Variants in SYCE2 observed in about 807,000 individuals in gnomAD.
SYCE2 encodes central element synaptonemal complex 1.
A neutral mutation model predicts 27.9 loss-of-function variants in SYCE2; 3 were observed. The ratio of observed to expected loss-of-function variants is 0.11; its 90% confidence interval spans 0.05 to 0.28. The LOEUF (loss-of-function observed/expected upper bound fraction) is 0.28. SYCE2 is among the 10% of genes least tolerant of loss of function. SYCE2 has a pLI of 1.00. For missense variants in SYCE2, 207 were observed against 263.5 expected, an observed-to-expected ratio of 0.79 and a Z score of 1.48; for synonymous variants, 85 against 100.7, an observed-to-expected ratio of 0.84 and a Z score of 0.93.
chr19:12,904,394 C>T, intron 3 of SYCE2, 98 bp downstream of exon 3: 1 of 1,453,714 alleles, frequency 6.9e-7, no homozygotes, highest in South Asian at 1.2e-5. Context: ...GTGTGAATGG[C>T]CTAGCACCGT....
chr19:12,899,966 C>G (rs757639544), intron 5 of SYCE2, 38 bp downstream of exon 5: 1 of 1,608,882 alleles, frequency 6.2e-7, no homozygotes, highest in East Asian at 2.2e-5. Context: ...ACCTGCACAT[C>G]TGACCCCAAG....
At chr19:12,918,692 G>C (rs1005510327) in intron 1 of SYCE2, among the ~76,000 whole-genome samples, 1 of 152,120 alleles carries the variant, frequency 6.6e-6, no homozygotes, top group Non-Finnish European at 1.5e-5. Context: ...GGTGGCTCAC[G>C]CCTGTAATCC....
At chr19:12,901,169 A>AAAT (rs1555752652) in intron 3 of SYCE2, among the ~76,000 whole-genome samples, 5 of 140,752 alleles carry the variant, frequency 3.6e-5, no homozygotes, top group Non-Finnish European at 7.7e-5. Flanking sequence ...ACTCCATCTC[A>AAAT]AAATAAATAA....
At chr19:12,907,110 CT>C (rs1568435627) in intron 2 of SYCE2, among the ~76,000 whole-genome samples, 1 of 152,146 alleles carries the variant, frequency 6.6e-6, no homozygotes, top group Non-Finnish European at 1.5e-5. Context: ...AGAGCTGCCC[CT>C]GTGAGTCACA....
At chr19:12,905,155 C>T (rs1271907861) in intron 2 of SYCE2, among the ~76,000 whole-genome samples, 1 of 151,972 alleles carries the variant, frequency 6.6e-6, no homozygotes, top group African/African-American at 2.4e-5. Flanking sequence ...ACACACACGC[C>T]CTGAATGATG....
At chr19:12,902,164 C>T (rs148141899) in intron 3 of SYCE2, among the ~76,000 whole-genome samples, 1 of 152,216 alleles carries the variant, frequency 6.6e-6, no homozygotes, top group East Asian at 1.9e-4. Context: ...GGCTCTTCCA[C>T]GTAGCCTAGG....
chr19:12,911,615 CTTT>C (rs71168633), intron 2 of SYCE2, among the ~76,000 whole-genome samples: 2 of 103,744 alleles, frequency 1.9e-5, no homozygotes, highest in African/African-American at 3.7e-5. Context: ...TAATTTTTGC[CTTT>C]TTTTTTTTTT....
chr19:12,906,977 A>G (rs1311157609), intron 2 of SYCE2, among the ~76,000 whole-genome samples: 1 of 152,206 alleles, frequency 6.6e-6, no homozygotes, highest in African/African-American at 2.4e-5. Flanking sequence ...AAGTTTATGG[A>G]AAAAATGTGA....
chr19:12,905,377 G>C (rs1970916200), intron 2 of SYCE2, among the ~76,000 whole-genome samples: 1 of 152,064 alleles, frequency 6.6e-6, no homozygotes, highest in Non-Finnish European at 1.5e-5. Context: ...TGTCGCCCAG[G>C]CTGGAGTGCA....
intron 3 of SYCE2, among the ~76,000 whole-genome samples, chr19:12,902,572 C>A (rs1401861771): frequency 2.0e-5 from 3 of 151,942 alleles, no homozygotes; most frequent in African/African-American, 7.3e-5. Flanking sequence ...GAGTTTGAGG[C>A]TCCAGTGAGC....
chr19:12,909,275 A>G (rs1971001115), intron 2 of SYCE2, among the ~76,000 whole-genome samples: 1 of 152,074 alleles, frequency 6.6e-6, no homozygotes, highest in Non-Finnish European at 1.5e-5. Flanking sequence ...TCTAAATTCT[A>G]TCATCCCAGC....
chr19:12,909,468 A>C (rs907680995), intron 2 of SYCE2, among the ~76,000 whole-genome samples: 2 of 152,084 alleles, frequency 1.3e-5, no homozygotes, highest in African/African-American at 4.8e-5. Flanking sequence ...CCAAGCTCAA[A>C]ACTTAGCAGC....
chr19:12,908,615 C>T (rs1039159739), intron 2 of SYCE2, among the ~76,000 whole-genome samples: 14 of 152,084 alleles, frequency 9.2e-5, no homozygotes, highest in African/African-American at 2.9e-4. Flanking sequence ...TGAGCCACCG[C>T]GCCCGGCCAT....
intron 2 of SYCE2, among the ~76,000 whole-genome samples, chr19:12,905,453 T>C (rs1970917448): frequency 1.3e-5 from 2 of 150,670 alleles, no homozygotes; most frequent in African/African-American, 4.9e-5. Context: ...TGGCTCAGCC[T>C]CCTGAGTAGC....
chr19:12,901,617 T>C (rs1310180283), intron 3 of SYCE2, among the ~76,000 whole-genome samples: 1 of 152,034 alleles, frequency 6.6e-6, no homozygotes, highest in Non-Finnish European at 1.5e-5. Flanking sequence ...TTTTGCTTTT[T>C]TTGTTTTGTT....
Position 12,899,271 on chromosome 19 carries a change from G to A in SYCE2, c.*70C>T, listed in dbSNP as rs1970773642. 4.4e-6 allele frequency: 6 copies of A among 1,362,962 alleles called. No individual in the cohort carries two copies. In the East Asian group the frequency reaches 1.1e-4, roughly 26 times the overall value. 84.4% of individuals were successfully genotyped at this position (1,362,962 alleles called of 1,614,324 possible). On this transcript the variant is annotated 3_prime_UTR_variant, in exon 6 of 6. Coordinates refer to ENST00000293695, the MANE Select transcript of SYCE2 (RefSeq NM_001105578.2). ...GAACCATGAAAAACAATTTCTCAGTGTGGCCCAAATGGTGGCCTCACAGTC... is the reference window on the plus strand; with the variant it reads ...GAACCATGAAAAACAATTTCTCAGTATGGCCCAAATGGTGGCCTCACAGTC...
chr19:12,906,563 A>G (rs1970937122), intron 2 of SYCE2, among the ~76,000 whole-genome samples: 1 of 152,232 alleles, frequency 6.6e-6, no homozygotes, highest in South Asian at 2.1e-4. Context: ...ATAAAAATCT[A>G]GAAAAATTCT....
At chr19:12,916,007 C>T (rs1313155872) in intron 2 of SYCE2, among the ~76,000 whole-genome samples, 2 of 151,894 alleles carry the variant, frequency 1.3e-5, no homozygotes, top group Non-Finnish European at 2.9e-5. Flanking sequence ...AGGGTATGAG[C>T]ATGTCTGTCT....
At chr19:12,912,813 C>A (rs1599640236) in intron 2 of SYCE2, among the ~76,000 whole-genome samples, 1 of 151,658 alleles carries the variant, frequency 6.6e-6, no homozygotes, top group South Asian at 2.1e-4. Flanking sequence ...TCAGCTAATT[C>A]GAGTTTCATG....
Sources: allele counts gnomAD v4.1 joint callset (sites outside exome capture counted in the v4.1 genomes callset), GRCh38; gene constraint gnomAD v4.1.1; transcripts MANE v1.5; gene names NCBI Gene and HGNC (gene_info 2026-07-23, HGNC 2026-07-21).